Variants in NEURL1 observed in about 807,000 individuals in gnomAD.
NEURL1 encodes neuralized E3 ubiquitin protein ligase 1.
NEURL1 carries 26 observed loss-of-function variants against 41.2 expected under a neutral mutation model. The observed-to-expected ratio is 0.63, with a 90% CI of 0.46 to 0.87. The LOEUF is 0.87. Among genes scored for constraint, NEURL1 ranks in the 40% least tolerant of loss-of-function variants. The pLI is 0.00. For missense variants in NEURL1, 761 were observed against 871.1 expected (o/e 0.87, Z 1.59); for synonymous variants, 400 against 402.3 (o/e 0.99, Z 0.07).
At chr10:103,519,092 A>C (rs2133853843) in intron 1 of NEURL1, among the ~76,000 whole-genome samples, 1 of 152,114 alleles carries the variant, frequency 6.6e-6, no homozygotes, top group Middle Eastern at 3.4e-3. Context: ...TAAAAACACA[A>C]AAAAATTAGC....
intron 1 of NEURL1, among the ~76,000 whole-genome samples, chr10:103,554,946 A>G (rs1239870031): frequency 6.6e-6 from 1 of 152,146 alleles, no homozygotes; most frequent in Non-Finnish European, 1.5e-5. Flanking sequence ...GTGTCACTAC[A>G]TCCCTGAGAT....
intron 1 of NEURL1, among the ~76,000 whole-genome samples, chr10:103,526,521 C>CT (rs574672032): frequency 1.5e-3 from 223 of 147,458 alleles, no homozygotes; most frequent in South Asian, 2.8e-3. Context: ...CTTTTCTTTT[C>CT]TTTTTTTTTT....
intron 1 of NEURL1, among the ~76,000 whole-genome samples, chr10:103,506,360 A>T (rs1489003167): frequency 6.6e-6 from 1 of 152,128 alleles, no homozygotes; most frequent in African/African-American, 2.4e-5. Flanking sequence ...GGCTGTAAGG[A>T]TATTCTAGCT....
chr10:103,497,751 G>C (rs563805893), intron 1 of NEURL1, among the ~76,000 whole-genome samples: 45 of 152,302 alleles, frequency 3.0e-4, no homozygotes, highest in African/African-American at 1.1e-3. Flanking sequence ...TGCCCGAGGA[G>C]CTCCCATGTG....
At chr10:103,535,232 G>T (rs2034665932) in intron 1 of NEURL1, among the ~76,000 whole-genome samples, 1 of 152,116 alleles carries the variant, frequency 6.6e-6, no homozygotes. Context: ...GCACAGTGAT[G>T]ACTTTACTCC....
intron 1 of NEURL1, among the ~76,000 whole-genome samples, chr10:103,521,842 G>T (rs998379260): frequency 6.6e-6 from 1 of 152,194 alleles, no homozygotes; most frequent in Non-Finnish European, 1.5e-5. Flanking sequence ...TGTCATGTGT[G>T]TCCATGTGAA....
At chr10:103,540,805 C>T (rs537151449) in intron 1 of NEURL1, among the ~76,000 whole-genome samples, 38 of 152,058 alleles carry the variant, frequency 2.5e-4, no homozygotes, top group Non-Finnish European at 4.6e-4. Flanking sequence ...GAGGGGAGGC[C>T]GAGGGAGCCT....
chr10:103,576,688 G>T (rs2035673346), intron 3 of NEURL1, among the ~76,000 whole-genome samples: 1 of 152,140 alleles, frequency 6.6e-6, no homozygotes, highest in South Asian at 2.1e-4. Context: ...CATCTAAATG[G>T]TGGGGCTGGG....
Position 103,591,997 on chromosome 10 carries a change from C to T in NEURL1, c.*1625C>T, listed in dbSNP as rs2036059691. 1 of 152,490 alleles carries T rather than the reference C, an allele frequency of 6.6e-6. No homozygotes were observed. The highest frequency in any genetic ancestry group is 6.5e-5 in the Admixed American group (1 of 15,284). The allele number at this position is 152,490 out of a possible 1,614,324, so 9.4% of individuals were successfully genotyped here. ...GTCCTCTCAGCCCTGCCTGCCCTGG[C>T]CTGGGCTCTCCCAGCCTCCCAGCCC... On this transcript the variant is annotated 3_prime_UTR_variant, in exon 6 of 6. Coordinates refer to ENST00000369780, the MANE Select transcript of NEURL1 (RefSeq NM_004210.5).
chr10:103,566,943 G>T lies in NEURL1; in HGVS notation c.86-3929G>T, dbSNP rs2035436496. 6.6e-6 allele frequency among the ~76,000 whole-genome samples: 1 copy of T among 151,886 alleles called. No homozygotes were observed. The highest frequency in any genetic ancestry group is 1.5e-5 in the Non-Finnish European group (1 of 67,986). On this transcript the variant is annotated intron_variant, in intron 1 of 5. Coordinates refer to ENST00000369780, the MANE Select transcript of NEURL1 (RefSeq NM_004210.5). The surrounding 1 kb of genome is among the most constrained non-coding windows in gnomAD (Gnocchi z 4.2). ...CTGTGTGCTACATGAGATGGTTTTG[G>T]GTGGTACATAAAGGAAACTTTGTTT...
chr10:103,560,409 G>A (rs937795130), intron 1 of NEURL1, among the ~76,000 whole-genome samples: 1 of 152,224 alleles, frequency 6.6e-6, no homozygotes, highest in African/African-American at 2.4e-5. Context: ...GGGAGGCACA[G>A]CTGTATAACC....
chr10:103,560,179 A>G (rs1008636177), intron 1 of NEURL1, among the ~76,000 whole-genome samples: 1 of 150,534 alleles, frequency 6.6e-6, no homozygotes, highest in Admixed American at 6.6e-5. Context: ...GTACACATGC[A>G]TGACTGTGGA....
chr10:103,546,328 C>G (rs2034924156), intron 1 of NEURL1, among the ~76,000 whole-genome samples: 1 of 152,224 alleles, frequency 6.6e-6, no homozygotes, highest in African/African-American at 2.4e-5. Flanking sequence ...CCAGCTCTGG[C>G]ACTTTATAGC....
chr10:103,573,329 G>A (rs768232636), intron 3 of NEURL1, among the ~76,000 whole-genome samples: 17 of 152,172 alleles, frequency 1.1e-4, no homozygotes, highest in Non-Finnish European at 2.4e-4. Context: ...AAAGGGCAGC[G>A]TTCATGTCCC....
At chr10:103,569,478 G>C (rs2035492490) in intron 1 of NEURL1, among the ~76,000 whole-genome samples, 1 of 152,232 alleles carries the variant, frequency 6.6e-6, no homozygotes, top group Non-Finnish European at 1.5e-5. Context: ...GAAACCAAGA[G>C]TCAAGCTGTG....
At position 103,570,152 on chromosome 10, in the gene NEURL1, C is replaced by T. The variant is rs560361621; in HGVS notation, c.86-720C>T. ...ATTTTGTGGCTTTCTACGGCTCCAC[C>T]CTCTTCTCCATTCTTCACGGTTCTG... On this transcript the variant is annotated intron_variant, in intron 1 of 5. Coordinates refer to ENST00000369780, the MANE Select transcript of NEURL1 (RefSeq NM_004210.5). Among the ~76,000 whole-genome samples the T allele has an allele frequency of 5.3e-4, 81 of 152,312 alleles. 2 individuals carry two copies. The South Asian group carries it at 0.016, about 30-fold the overall frequency.
chr10:103,583,840 T>G (rs1186415436), intron 3 of NEURL1, among the ~76,000 whole-genome samples: 1 of 143,304 alleles, frequency 7.0e-6, no homozygotes, highest in Non-Finnish European at 1.5e-5. Flanking sequence ...TAGGCGATTG[T>G]TTTTTCTTTT....
At chr10:103,499,231 TGAAGGA>T (rs935039382) in intron 1 of NEURL1, among the ~76,000 whole-genome samples, 3 of 152,176 alleles carry the variant, frequency 2.0e-5, no homozygotes, top group African/African-American at 7.2e-5. Flanking sequence ...GCTGGGGGGC[TGAAGGA>T]GAAGCTGCAA....
At chr10:103,570,782 T>C in intron 1 of NEURL1, 90 bp from the exon 2 acceptor site, 1 of 1,531,790 alleles carries the variant, frequency 6.5e-7, no homozygotes, top group South Asian at 1.3e-5. Context: ...TGACTTCTGG[T>C]CATGCCCAGC....
Sources: gnomAD v4.1 joint callset for allele counts (sites outside exome capture counted in the v4.1 genomes callset) on GRCh38, gnomAD v4.1.1 for gene constraint, Gnocchi (gnomAD v3.1) non-coding constraint, MANE v1.5 for transcripts, NCBI Gene and HGNC (gene_info 2026-07-23, HGNC 2026-07-21) for gene names.